Variants in CORO2B observed in about 807,000 individuals in gnomAD.
CORO2B encodes the protein coronin-2B.
CORO2B carries 26 observed loss-of-function variants against 58.8 expected under a neutral mutation model. The ratio of observed to expected loss-of-function variants is 0.44; its 90% CI spans 0.32 to 0.61. CORO2B has a LOEUF of 0.61. CORO2B is among the 20% of genes least tolerant of loss of function. CORO2B has a pLI of 0.04. For missense variants in CORO2B, 460 were observed against 645.1 expected (o/e 0.71, Z 3.11); for synonymous variants, 242 against 253.8 (o/e 0.95, Z 0.44).
Position 68,645,301 on chromosome 15 carries a change from C to T in CORO2B, c.157C>T (p.Leu53=), listed in dbSNP as rs1901387465. The T allele has an allele frequency of 6.2e-7, 1 of 1,614,016 alleles. No homozygotes were observed. Among genetic ancestry groups the T allele is most frequent in the Non-Finnish European group, 8.5e-7 (1 of 1,180,034 alleles). ...NHFCAVNTRF[L]AIVTESAGGG... ...CTTCTGTGCCGTCAACACCCGCTTCCTGGCCATCGTCACCGAGAGCGCAGG... is the reference window on the plus strand; with the variant it reads ...CTTCTGTGCCGTCAACACCCGCTTCTTGGCCATCGTCACCGAGAGCGCAGG... Residue 53 remains leucine, a synonymous_variant, in exon 2 of 12, where the codon CTG becomes TTG. Coordinates refer to ENST00000261861, the MANE Select transcript of CORO2B (RefSeq NM_006091.5). This position sits in a 1 kb window ranked among gnomAD's most constrained non-coding sequence, Gnocchi z 4.5.
the CORO2B span, among the ~76,000 whole-genome samples, chr15:68,529,636 T>C: frequency 7.9e-5 from 12 of 152,344 alleles, no homozygotes; most frequent in East Asian, 2.1e-3. Context: ...ATAAATCTTG[T>C]CGCAAATTTT....
chr15:68,613,368 G>A (rs575980867), intron 1 of CORO2B, among the ~76,000 whole-genome samples: 1 of 152,226 alleles, frequency 6.6e-6, no homozygotes, highest in South Asian at 2.1e-4. Flanking sequence ...TGGTAGAAGC[G>A]GCATATTAAA....
upstream of CORO2B, among the ~76,000 whole-genome samples, chr15:68,577,207 A>G (rs965584721): frequency 2.0e-5 from 3 of 152,198 alleles, no homozygotes; most frequent in African/African-American, 7.2e-5. Flanking sequence ...GACACCTGTG[A>G]AACTCAAATA....
chr15:68,693,402 T>C (rs542728311), intron 2 of CORO2B, among the ~76,000 whole-genome samples: 33 of 152,328 alleles, frequency 2.2e-4, no homozygotes, highest in African/African-American at 7.7e-4. Flanking sequence ...CTCCTTATTA[T>C]TCTGATGAGG....
Position 68,725,853 on chromosome 15 carries a change from T to C in CORO2B, c.1322T>C (p.Met441Thr). The change falls in exon 12 of 12, where the codon ATG becomes ACG. Residue 441 changes from methionine (M) to threonine (T), a missense_variant. By Grantham distance (81) the Met-to-Thr change is moderately conservative. Around this residue, in one of 2 missense-constraint regions of CORO2B, gnomAD observed 108 missense variants for 102.1 expected, o/e 1.06. Transcript: ENST00000261861. ...CTTCCTCCACCCCAGCTCCTTCGAA[T>C]GTTCTTCCGGCAGCAGGATGAGATT... ...PPRTENELLR[M>T]FFRQQDEIRR... 6.2e-7 allele frequency: 1 copy of C among 1,613,838 alleles called. No homozygotes were observed. The highest frequency in any genetic ancestry group is 8.5e-7 in the Non-Finnish European group (1 of 1,180,014).
chr15:68,530,547 T>C, the CORO2B span, among the ~76,000 whole-genome samples: 4 of 152,166 alleles, frequency 2.6e-5, no homozygotes, highest in Non-Finnish European at 5.9e-5. Flanking sequence ...GTACTATCAG[T>C]AATTGAGAGG....
intron 3 of CORO2B, among the ~76,000 whole-genome samples, chr15:68,709,803 G>A (rs1892872834): frequency 6.6e-6 from 1 of 151,956 alleles, no homozygotes; most frequent in Non-Finnish European, 1.5e-5. Context: ...TAGGCCTTTA[G>A]AGCACTTTGC....
In CORO2B at chr15:68,710,582, G is replaced by T. The variant is rs1892890328; in HGVS notation, c.334-150G>T. 1.2e-6 allele frequency: 1 copy of T among 863,702 alleles called. No individual in the cohort carries two copies. The highest frequency in any genetic ancestry group is 1.7e-5 in the African/African-American group (1 of 58,180). The allele number at this position is 863,702 out of a possible 1,614,324, so 53.5% of individuals were successfully genotyped here. ...GCCACACCCTGAGACCTCCCAGCAG[G>T]CCTCAGTCGAGCTTTGCCCATCGCC... On this transcript the variant is annotated intron_variant, in intron 3 of 11. Coordinates refer to ENST00000261861, the MANE Select transcript of CORO2B (RefSeq NM_006091.5). This position sits in a 1 kb window ranked among gnomAD's most constrained non-coding sequence, Gnocchi z 4.1.
intron 8 of CORO2B, among the ~76,000 whole-genome samples, chr15:68,716,547 C>T (rs1893036395): frequency 6.6e-6 from 1 of 152,132 alleles, no homozygotes; most frequent in Non-Finnish European, 1.5e-5. Context: ...AGGAGACAGG[C>T]AATAAACAAA....
At chr15:68,700,544 C>T (rs575921791) in intron 3 of CORO2B, among the ~76,000 whole-genome samples, 84 of 152,200 alleles carry the variant, frequency 5.5e-4, no homozygotes, top group African/African-American at 1.9e-3. Flanking sequence ...ATCCTCCATC[C>T]CGCCAGGGAT....
At chr15:68,575,863 T>C (rs894927096), upstream of CORO2B, among the ~76,000 whole-genome samples, 7 of 151,214 alleles carry the variant, frequency 4.6e-5, no homozygotes, top group Non-Finnish European at 7.4e-5. Flanking sequence ...ACATATAAAA[T>C]GCATGTATTG....
intron 1 of CORO2B, among the ~76,000 whole-genome samples, chr15:68,583,248 C>T (rs1022099490): frequency 2.6e-5 from 4 of 152,168 alleles, no homozygotes; most frequent in Non-Finnish European, 5.9e-5. Context: ...CTCTAGGGCC[C>T]CTACAGAGTC....
chr15:68,574,591 A>G (rs1021356209), upstream of CORO2B, among the ~76,000 whole-genome samples: 3 of 151,668 alleles, frequency 2.0e-5, no homozygotes, highest in Admixed American at 2.0e-4. Flanking sequence ...AGGGACCTGG[A>G]CTTGAATCAG....
the CORO2B span, among the ~76,000 whole-genome samples, chr15:68,552,873 G>A: frequency 6.6e-6 from 1 of 152,238 alleles, no homozygotes; most frequent in Non-Finnish European, 1.5e-5. Context: ...GAAGCAGGGA[G>A]CCTGACCAGG....
At chr15:68,600,771 A>T (rs958457137) in intron 1 of CORO2B, among the ~76,000 whole-genome samples, 47 of 152,258 alleles carry the variant, frequency 3.1e-4, no homozygotes, top group African/African-American at 1.1e-3. Flanking sequence ...AGTAAATGGG[A>T]CAGCCCTGGC....
chr15:68,623,237 A>G (rs999998165), intron 1 of CORO2B, among the ~76,000 whole-genome samples: 7 of 152,242 alleles, frequency 4.6e-5, no homozygotes, highest in African/African-American at 1.7e-4. Flanking sequence ...GCTTAGGGTC[A>G]CACAGCGAGG....
At chr15:68,601,984 A>AGAAGGCC (rs1435531896) in intron 1 of CORO2B, among the ~76,000 whole-genome samples, 2 of 151,272 alleles carry the variant, frequency 1.3e-5, no homozygotes, top group Admixed American at 6.6e-5. Flanking sequence ...GGCAGAAGGC[A>AGAAGGCC]GAAGGCCAAA....
At chr15:68,534,228 A>G in the CORO2B span, among the ~76,000 whole-genome samples, 22 of 152,184 alleles carry the variant, frequency 1.4e-4, no homozygotes, top group Non-Finnish European at 2.1e-4. Context: ...CTCCTTGTGC[A>G]TACACATACA....
intron 5 of CORO2B, 44 bp from the exon 6 acceptor site, chr15:68,713,881 C>T: frequency 7.2e-7 from 1 of 1,388,444 alleles, no homozygotes; most frequent in Non-Finnish European, 1.0e-6. Context: ...GCAGAACCCA[C>T]ATGTTGGGGA....
Sources: allele counts gnomAD v4.1 joint callset (sites outside exome capture counted in the v4.1 genomes callset), GRCh38; gene constraint gnomAD v4.1.1; regional missense constraint gnomAD v4.1.1; non-coding constraint Gnocchi (gnomAD v3.1); transcripts MANE v1.5; gene names NCBI Gene and HGNC (gene_info 2026-07-23, HGNC 2026-07-21).